PADI3: variants seen among roughly 807,000 people sequenced by gnomAD.
The protein encoded by PADI3 is peptidyl arginine deiminase 3, also known as protein-arginine deiminase type-3.
PADI3 carries 53 observed loss-of-function variants against 71.5 expected under a neutral mutation model. The ratio of observed to expected loss-of-function variants is 0.74; its 90% CI spans 0.59 to 0.93. PADI3 has a LOEUF of 0.93. Among genes scored for constraint, PADI3 ranks in the 40% least tolerant of loss-of-function variants. The pLI is 0.00. For synonymous variants in PADI3, 361 were observed against 347.5 expected (o/e 1.04, Z -0.43); for missense variants, 821 against 868.0 (o/e 0.95, Z 0.68).
chr1:17,252,402 T>TC (rs1553132682), intron 1 of PADI3, among the ~76,000 whole-genome samples: 56 of 93,436 alleles, frequency 6.0e-4, no homozygotes, highest in Middle Eastern at 5.0e-3. Context: ...TTCTTCTTCT[T>TC]TTTTTTTTTT....
At chr1:17,259,449 T>C in intron 1 of PADI3, 129 bp from the exon 2 acceptor site, 2 of 737,620 alleles carry the variant, frequency 2.7e-6, no homozygotes, top group Non-Finnish European at 2.2e-6. Flanking sequence ...AGGAGCTTAC[T>C]GTGAGGATCT....
At chr1:17,271,244 G>A in intron 9 of PADI3, 66 bp downstream of exon 9, 1 of 1,348,238 alleles carries the variant, frequency 7.4e-7, no homozygotes. Flanking sequence ...CTTCATTTGG[G>A]GGCCACCGAG....
At chr1:17,270,515 G>A (rs1219721963) in intron 7 of PADI3, 104 bp downstream of exon 7, 1 of 1,070,640 alleles carries the variant, frequency 9.3e-7, no homozygotes, top group Non-Finnish European at 1.3e-6. Context: ...AGGTATAGTG[G>A]TGTACACCTA....
chr1:17,275,376 G>A (rs1252838751), intron 11 of PADI3, among the ~76,000 whole-genome samples: 7 of 138,830 alleles, frequency 5.0e-5, no homozygotes, highest in African/African-American at 1.8e-4. Context: ...GGTGGAGCTT[G>A]CAGTGAGCTG....
At chr1:17,282,523 G>T (rs919685540) in intron 15 of PADI3, among the ~76,000 whole-genome samples, 1 of 152,286 alleles carries the variant, frequency 6.6e-6, no homozygotes, top group African/African-American at 2.4e-5. Flanking sequence ...TGGACCAGCT[G>T]TTCTCCCTGG....
Position 17,273,372 on chromosome 1 carries a change from G to C in PADI3, c.1080G>C (p.Pro360=), listed in dbSNP as rs150939554. ...TGGAGCTGGGCTACGTTCAGGCGCC[G>C]CACAAGACCCTCCCGGTGGTCTTTG... is the stretch of plus-strand genomic sequence containing the variant. ...DEMELGYVQA[P]HKTLPVVFDS... is the part of the protein sequence containing the mutation. The change falls in exon 10 of 16, where the codon CCG becomes CCC. Residue 360 remains proline (P), a synonymous_variant. Transcript: ENST00000375460. 2 of 1,613,296 alleles carry C rather than the reference G, an allele frequency of 1.2e-6. No homozygotes were observed. The highest frequency in any genetic ancestry group is 1.7e-6 in the Non-Finnish European group (2 of 1,179,712).
chr1:17,265,241 A>G (rs1360686405), intron 3 of PADI3, among the ~76,000 whole-genome samples: 2 of 152,120 alleles, frequency 1.3e-5, no homozygotes, highest in Non-Finnish European at 2.9e-5. Context: ...CAGAAAGGAC[A>G]CACAGCCAGG....
At position 17,276,891 on chromosome 1, in the gene PADI3, C is replaced by T. The variant is rs370937084; in HGVS notation, c.1555+15C>T. On this transcript the variant is annotated intron_variant, in intron 13 of 15. Coordinates refer to ENST00000375460, the MANE Select transcript of PADI3 (RefSeq NM_016233.2). ...GGGGGTTGTTGGTGGGTAACAGTGC[C>T]GTGTCCCTCCTTGCGGCTTGCCTGC... is the stretch of plus-strand genomic sequence containing the variant. 7.5e-4 allele frequency: 1,198 copies of T among 1,591,208 alleles called. No homozygotes were observed. Among genetic ancestry groups the T allele is most frequent in the Non-Finnish European group, 9.3e-4 (1,085 of 1,167,230 alleles).
chr1:17,283,137 GAC>G lies in PADI3; in HGVS notation c.*60_*61del. On this transcript the variant is annotated 3_prime_UTR_variant, in exon 16 of 16. Transcript: ENST00000375460. The stretch of plus-strand genomic sequence containing the variant: ...GGCGGGCATTGGCCCAGGTGGTGGA[GAC>G]AGAGACAGGCCCCTGAACGATAAGC... 1 of 1,328,766 alleles carries G rather than the reference GAC, an allele frequency of 7.5e-7. No individual in the cohort carries two copies. The highest frequency in any genetic ancestry group is 1.1e-6 in the Non-Finnish European group (1 of 929,840). The allele number at this position is 1,328,766 out of a possible 1,614,324, so 82.3% of individuals were successfully genotyped here.
intron 3 of PADI3, 84 bp downstream of exon 3, chr1:17,262,289 A>C (rs780298931): frequency 2.5e-5 from 25 of 994,032 alleles, no homozygotes; most frequent in Non-Finnish European, 3.6e-5. Flanking sequence ...GTTGAAAATT[A>C]AACCTCCTTC....
In PADI3 at chr1:17,276,776, C is replaced by A. The variant is rs760137242; in HGVS notation, c.1455C>A (p.Gly485=). 2.5e-6 allele frequency: 4 copies of A among 1,613,546 alleles called. No individual in the cohort carries two copies. The African/African-American group carries it at 5.3e-5, about 22-fold the overall frequency. The change falls in exon 13 of 16, where the codon GGC becomes GGA. Residue 485 remains glycine (G), a splice_region_variant and synonymous_variant. Transcript: ENST00000375460. ...CTGAATCTGTTCTCTGCACGCAGGG[C>A]TTCCGGATGCTCCTGGCCAGCCCTG... ...LSFVPAPDGK[G]FRMLLASPGA...
chr1:17,282,602 T>C (rs2073414818), intron 15 of PADI3, among the ~76,000 whole-genome samples: 1 of 152,324 alleles, frequency 6.6e-6, no homozygotes, highest in East Asian at 1.9e-4. Context: ...CAATCCACAA[T>C]TCCAAATTCA....
At chr1:17,259,473 G>A in intron 1 of PADI3, 105 bp from the exon 2 acceptor site, 1 of 997,014 alleles carries the variant, frequency 1.0e-6, no homozygotes, top group East Asian at 2.5e-5. Flanking sequence ...GGGACTGGGT[G>A]GCCAAGGAAA....
chr1:17,259,853 G>A (rs1476459338), intron 2 of PADI3, 95 bp downstream of exon 2: 2 of 1,085,698 alleles, frequency 1.8e-6, no homozygotes, highest in Non-Finnish European at 2.6e-6. Flanking sequence ...AGAGCGCAGG[G>A]CAACACAGTG....
chr1:17,262,615 A>G (rs2073117465), intron 3 of PADI3, among the ~76,000 whole-genome samples: 1 of 152,192 alleles, frequency 6.6e-6, no homozygotes, highest in Admixed American at 6.5e-5. Context: ...CAGATGGGGA[A>G]TTTCAACAGA....
intron 10 of PADI3, 63 bp downstream of exon 10, chr1:17,273,510 C>T (rs755164145): frequency 1.2e-4 from 131 of 1,092,794 alleles, no homozygotes; most frequent in African/African-American, 1.4e-4. Flanking sequence ...GGGGCCACAC[C>T]GGGGTGTGGG....
intron 3 of PADI3, among the ~76,000 whole-genome samples, chr1:17,264,700 A>G (rs2073143363): frequency 6.6e-6 from 1 of 152,140 alleles, no homozygotes; most frequent in Non-Finnish European, 1.5e-5. Flanking sequence ...GTGGTTGAGT[A>G]TCTTTTCACA....
At chr1:17,256,118 C>A (rs1397670121) in intron 1 of PADI3, among the ~76,000 whole-genome samples, 1 of 152,204 alleles carries the variant, frequency 6.6e-6, no homozygotes, top group Non-Finnish European at 1.5e-5. Flanking sequence ...CCCTGGGGAA[C>A]CTGCCCCAGC....
At chr1:17,250,572 G>A (rs1275703590) in intron 1 of PADI3, among the ~76,000 whole-genome samples, 1 of 152,192 alleles carries the variant, frequency 6.6e-6, no homozygotes, top group African/African-American at 2.4e-5. Flanking sequence ...CAAGTCGGGA[G>A]CAGAGCCAGC....
Sources: allele counts gnomAD v4.1 joint callset (sites outside exome capture counted in the v4.1 genomes callset), GRCh38; gene constraint gnomAD v4.1.1; transcripts MANE v1.5; gene names NCBI Gene and HGNC (gene_info 2026-07-23, HGNC 2026-07-21).